NECAB1: variants seen among roughly 807,000 people sequenced by gnomAD.
NECAB1 encodes the protein N-terminal EF-hand calcium-binding protein 1.
A neutral mutation model predicts 57.5 loss-of-function variants in NECAB1; 29 were observed. The ratio of observed to expected loss-of-function variants is 0.50; its 90% CI spans 0.38 to 0.69. The LOEUF is 0.69. Ranked by LOEUF, NECAB1 falls within the 30% of genes least tolerant of loss-of-function variation. NECAB1 has a pLI of 0.00. For missense variants in NECAB1, 372 were observed against 413.8 expected (o/e 0.90, Z 0.88); for synonymous variants, 142 against 147.7 (o/e 0.96, Z 0.28).
At chr8:90,815,186 A>T (rs1444105392) in intron 2 of NECAB1, among the ~76,000 whole-genome samples, 1 of 152,076 alleles carries the variant, frequency 6.6e-6, no homozygotes, top group African/African-American at 2.4e-5. Flanking sequence ...TTTAACTCAT[A>T]GCCTATGGAA....
intron 5 of NECAB1, among the ~76,000 whole-genome samples, chr8:90,907,141 TGTGTGTGTGTGAGAGAGAGAGA>T (rs1182701222): frequency 1.9e-4 from 24 of 127,106 alleles, no homozygotes; most frequent in African/African-American, 6.9e-4. Context: ...TGTGTGTGTG[TGTGTGTGTGTGAGAGAGAGAGA>T]GAGAGAGAGA....
intron 7 of NECAB1, among the ~76,000 whole-genome samples, chr8:90,925,977 T>G (rs1331640991): frequency 6.6e-6 from 1 of 152,170 alleles, no homozygotes; most frequent in Non-Finnish European, 1.5e-5. Context: ...ATAAAGGGAC[T>G]CTACCCTAAT....
intron 4 of NECAB1, among the ~76,000 whole-genome samples, chr8:90,880,448 T>C (rs1275349661): frequency 6.6e-5 from 10 of 152,098 alleles, no homozygotes; most frequent in African/African-American, 2.2e-4. Flanking sequence ...ATACTTTTAA[T>C]TTTAATCACA....
chr8:90,928,265 G>A lies in NECAB1; in HGVS notation c.659G>A (p.Arg220Lys). ...EDNQWMTQIN[R>K]LQKLIDRLEK... ...AACCAGTGGATGACCCAGATAAATA[G>A]ACTCCAGAAATTAATTGATAGACTG... Residue 220 changes from arginine (R) to lysine (K), a missense_variant, in exon 8 of 13, where the codon AGA (arginine) becomes AAA (lysine). Physicochemically the swap from Arg to Lys is conservative, Grantham distance 26. Transcript: ENST00000417640. 1.2e-6 allele frequency: 2 copies of A among 1,609,428 alleles called. No homozygotes were observed.
chr8:90,837,738 C>T (rs1465269140), intron 3 of NECAB1, among the ~76,000 whole-genome samples: 1 of 151,430 alleles, frequency 6.6e-6, no homozygotes, highest in Admixed American at 6.6e-5. Context: ...CCACTGGCTT[C>T]TCTCTCTCTC....
At chr8:90,833,577 C>T (rs1393183828) in intron 3 of NECAB1, among the ~76,000 whole-genome samples, 1 of 151,980 alleles carries the variant, frequency 6.6e-6, no homozygotes, top group African/African-American at 2.4e-5. Context: ...AAAGAGTTGC[C>T]ATTAGTGAAG....
chr8:90,947,309 C>A lies in NECAB1; in HGVS notation c.861-2498C>A, dbSNP rs60144153. On this transcript the variant is annotated intron_variant, in intron 10 of 12. Coordinates refer to ENST00000417640, the MANE Select transcript of NECAB1 (RefSeq NM_022351.5). Reference sequence around the variant, plus strand: ...CTATTGGGCTAACAACACATACACACACACACACACACACACACACACACA... The same window carrying A: ...CTATTGGGCTAACAACACATACACAAACACACACACACACACACACACACA... Among the ~76,000 whole-genome samples, 470 of 134,272 alleles carry A rather than the reference C, an allele frequency of 3.5e-3. 12 individuals carry two copies. The highest frequency in any genetic ancestry group is 0.012 in the African/African-American group (430 of 34,902). 88.1% of individuals were successfully genotyped at this position (134,272 alleles called of 152,430 possible).
At chr8:90,795,722 A>ACG (rs2130638065) in intron 1 of NECAB1, among the ~76,000 whole-genome samples, 1 of 152,054 alleles carries the variant, frequency 6.6e-6, no homozygotes, top group Non-Finnish European at 1.5e-5. Context: ...ACACACACAC[A>ACG]CACACACACA....
intron 3 of NECAB1, among the ~76,000 whole-genome samples, chr8:90,830,707 C>T (rs1812287388): frequency 6.6e-6 from 1 of 152,106 alleles, no homozygotes; most frequent in African/African-American, 2.4e-5. Flanking sequence ...AAGTAGCTTT[C>T]TTGGCATAAG....
Position 90,930,679 on chromosome 8 carries a change from T to A in NECAB1, c.693+2380T>A, listed in dbSNP as rs534596217. On this transcript the variant is annotated intron_variant, in intron 8 of 12. Coordinates refer to ENST00000417640, the MANE Select transcript of NECAB1 (RefSeq NM_022351.5). ...GTGCCTTTATTTGTTAAATTTATAT[T>A]GAACACTTACTGGAGCAAATACTTA... Among the ~76,000 whole-genome samples, 287 of 152,300 alleles carry A rather than the reference T, an allele frequency of 1.9e-3. 2 individuals are homozygous for A. The highest frequency in any genetic ancestry group is 6.4e-3 in the African/African-American group (264 of 41,564).
intron 3 of NECAB1, among the ~76,000 whole-genome samples, chr8:90,869,827 G>C (rs1279065768): frequency 6.6e-6 from 1 of 152,126 alleles, no homozygotes; most frequent in Non-Finnish European, 1.5e-5. Flanking sequence ...TGTTAGAAGG[G>C]ATGATAGAAT....
At chr8:90,891,557 C>G (rs1322439733) in intron 5 of NECAB1, among the ~76,000 whole-genome samples, 2 of 151,572 alleles carry the variant, frequency 1.3e-5, no homozygotes, top group African/African-American at 4.9e-5. Flanking sequence ...TGTAATAGAA[C>G]CAAGAATTTT....
intron 3 of NECAB1, among the ~76,000 whole-genome samples, chr8:90,829,506 G>A (rs182269250): frequency 2.0e-5 from 3 of 152,178 alleles, no homozygotes; most frequent in East Asian, 3.9e-4. Flanking sequence ...TACATCAAAT[G>A]GTAGACCAGA....
At chr8:90,947,406 C>CTT (rs11350840) in intron 10 of NECAB1, among the ~76,000 whole-genome samples, 1 of 98,258 alleles carries the variant, frequency 1.0e-5, no homozygotes, top group East Asian at 2.7e-4. Context: ...TTTTTTTTTT[C>CTT]TTTTTTTTTT....
chr8:90,846,029 A>G (rs1812550159), intron 3 of NECAB1, among the ~76,000 whole-genome samples: 2 of 152,218 alleles, frequency 1.3e-5, no homozygotes, highest in Non-Finnish European at 2.9e-5. Context: ...TATCTGAAGC[A>G]GAGCTCAAGC....
In NECAB1 at chr8:90,840,949, T is replaced by TA. The variant is rs1221175519; in HGVS notation, c.233+16124_233+16125insA. 2.7e-3 allele frequency among the ~76,000 whole-genome samples: 185 copies of TA among 67,632 alleles called. 2 individuals are homozygous for TA. Among genetic ancestry groups the TA allele is most frequent in the African/African-American group, 3.4e-3 (48 of 14,262 alleles). The allele number at this position is 67,632 out of a possible 152,430, so 44.4% of individuals were successfully genotyped here. The stretch of plus-strand genomic sequence containing the variant: ...AACAAAATGGTAGTGGTAAATCTAT[T>TA]CAAAAAAAAAAAAAAAAAGTGACCA... On this transcript the variant is annotated intron_variant, in intron 3 of 12. Transcript: ENST00000417640.
intron 9 of NECAB1, among the ~76,000 whole-genome samples, chr8:90,938,512 G>T (rs981159852): frequency 6.6e-6 from 1 of 152,090 alleles, no homozygotes. Flanking sequence ...AATTTGTTTC[G>T]GCCTAGCCGG....
chr8:90,883,140 T>C (rs1161494695), intron 5 of NECAB1, among the ~76,000 whole-genome samples: 1 of 152,192 alleles, frequency 6.6e-6, no homozygotes, highest in Admixed American at 6.5e-5. Context: ...ACCTGTTGTT[T>C]TGGTTTCTTA....
rs546631634 is a variant in NECAB1, at chr8:90,950,030, A to C, written c.938+146A>C. ...TTGCCCATTACCATGAATTCTACAC[A>C]CTTTAAAAAATGTATTTAATAGCTT... is the stretch of plus-strand genomic sequence containing the variant. On this transcript the variant is annotated intron_variant, in intron 11 of 12. Transcript: ENST00000417640. 5 of 519,990 alleles carry C rather than the reference A, an allele frequency of 9.6e-6. No homozygotes were observed. In the South Asian group the frequency reaches 1.4e-4, roughly 14 times the overall value. The allele number at this position is 519,990 out of a possible 1,614,324, so 32.2% of individuals were successfully genotyped here. A position where few individuals can be genotyped will look rare whatever the true frequency, so the allele number is the denominator to read the frequency against.
Sources: gnomAD v4.1 joint callset for allele counts (sites outside exome capture counted in the v4.1 genomes callset) on GRCh38, gnomAD v4.1.1 for gene constraint, MANE v1.5 for transcripts, NCBI Gene and HGNC (gene_info 2026-07-23, HGNC 2026-07-21) for gene names.